FHIT: variants seen among roughly 807,000 people sequenced by gnomAD.
FHIT encodes the protein bis(5'-adenosyl)-triphosphatase.
A neutral mutation model predicts 17.9 loss-of-function variants in FHIT; 19 were observed. The observed-to-expected ratio is 1.06, with a 90% CI of 0.74 to 1.56. The LOEUF (loss-of-function observed/expected upper bound fraction) is 1.56. Ranked by LOEUF, FHIT falls within the 40% of genes most tolerant of loss-of-function variation. The pLI is 0.00. For synonymous variants in FHIT, 81 were observed against 69.7 expected (o/e 1.16, Z -0.81); for missense variants, 248 against 189.2 (o/e 1.31, Z -1.82).
At chr3:59,908,853 T>TTTTTTTTTTTTTTGAGACGG (rs1271629999) in intron 8 of FHIT, among the ~76,000 whole-genome samples, 3 of 150,710 alleles carry the variant, frequency 2.0e-5, no homozygotes, top group Non-Finnish European at 3.0e-5. Context: ...CATTTTTTAA[T>TTTTTTTTTTTTTTGAGACGG]AGTCCAACTG....
chr3:60,203,957 G>A (rs890220864), intron 5 of FHIT, among the ~76,000 whole-genome samples: 2 of 152,096 alleles, frequency 1.3e-5, no homozygotes, highest in African/African-American at 4.8e-5. Context: ...GTCATGGGGA[G>A]GGGGGTGAAT....
At chr3:61,056,856 T>G (rs1488254583) in intron 2 of FHIT, among the ~76,000 whole-genome samples, 1 of 152,222 alleles carries the variant, frequency 6.6e-6, no homozygotes, top group Non-Finnish European at 1.5e-5. Context: ...ACAAAAGTTT[T>G]GTGACTCCTT....
chr3:59,855,871 C>G (rs978124053), intron 8 of FHIT, among the ~76,000 whole-genome samples: 3 of 151,336 alleles, frequency 2.0e-5, no homozygotes, highest in African/African-American at 7.3e-5. Context: ...AGCTCTGCCT[C>G]CCGGGTTCAT....
chr3:60,440,305 C>G (rs1267643328), intron 5 of FHIT, among the ~76,000 whole-genome samples: 1 of 152,062 alleles, frequency 6.6e-6, no homozygotes, highest in Non-Finnish European at 1.5e-5. Flanking sequence ...TGTTACATTT[C>G]CATGACATGT....
chr3:60,682,793 T>C (rs1218005829), intron 4 of FHIT, among the ~76,000 whole-genome samples: 1 of 152,218 alleles, frequency 6.6e-6, no homozygotes, highest in African/African-American at 2.4e-5. Flanking sequence ...TGTAAGACTA[T>C]ACATAGTGAT....
chr3:60,916,311 A>G (rs1376339656), intron 3 of FHIT, among the ~76,000 whole-genome samples: 1 of 152,226 alleles, frequency 6.6e-6, no homozygotes, highest in Non-Finnish European at 1.5e-5. Flanking sequence ...GTATATATGC[A>G]TTCTATTTTG....
chr3:60,330,458 T>A (rs1709912370), intron 5 of FHIT, among the ~76,000 whole-genome samples: 1 of 152,148 alleles, frequency 6.6e-6, no homozygotes, highest in South Asian at 2.1e-4. Flanking sequence ...CAAACAAAAA[T>A]TCGGCATGTG....
At chr3:60,879,193 A>C (rs534368868) in intron 3 of FHIT, among the ~76,000 whole-genome samples, 2 of 152,208 alleles carry the variant, frequency 1.3e-5, no homozygotes, top group African/African-American at 2.4e-5. Flanking sequence ...TAACTGGTGT[A>C]AGATGGTATC....
chr3:60,748,995 G>T (rs1218487581), intron 4 of FHIT, among the ~76,000 whole-genome samples: 3 of 152,174 alleles, frequency 2.0e-5, no homozygotes, highest in Non-Finnish European at 2.9e-5. Flanking sequence ...TTGAACCTCA[G>T]ATATGGAGGG....
chr3:60,421,704 C>T (rs540682972), intron 5 of FHIT, among the ~76,000 whole-genome samples: 11 of 152,138 alleles, frequency 7.2e-5, no homozygotes, highest in Admixed American at 2.0e-4. Context: ...CCTTAACTTT[C>T]TCCAATTTTT....
At chr3:60,555,532 G>A (rs938397522) in intron 4 of FHIT, among the ~76,000 whole-genome samples, 1 of 152,098 alleles carries the variant, frequency 6.6e-6, no homozygotes, top group Non-Finnish European at 1.5e-5. Flanking sequence ...CCATTTCCCT[G>A]CACCCTAGAC....
intron 5 of FHIT, among the ~76,000 whole-genome samples, chr3:60,488,002 C>T (rs949901693): frequency 1.3e-5 from 2 of 152,086 alleles, no homozygotes; most frequent in Non-Finnish European, 2.9e-5. Context: ...TTTACAAGAC[C>T]ATCTGTGAAG....
chr3:60,646,720 G>C (rs77267581), intron 4 of FHIT, among the ~76,000 whole-genome samples: 1 of 152,132 alleles, frequency 6.6e-6, no homozygotes, highest in Admixed American at 6.5e-5. Flanking sequence ...AGAGAGCAGA[G>C]TTGACATGGC....
chr3:60,686,261 TCAG>T (rs1299494902), intron 4 of FHIT, among the ~76,000 whole-genome samples: 1 of 152,126 alleles, frequency 6.6e-6, no homozygotes, highest in African/African-American at 2.4e-5. Context: ...TCTTGGGTTT[TCAG>T]CAGTTTGATT....
chr3:60,948,775 A>C (rs782198920), intron 3 of FHIT, among the ~76,000 whole-genome samples: 1 of 152,226 alleles, frequency 6.6e-6, no homozygotes, highest in African/African-American at 2.4e-5. Flanking sequence ...ACAACAAAAC[A>C]ATCAGCCCCT....
intron 4 of FHIT, among the ~76,000 whole-genome samples, chr3:60,575,302 G>T (rs931364650): frequency 6.6e-6 from 1 of 152,296 alleles, no homozygotes; most frequent in East Asian, 1.9e-4. Flanking sequence ...TCCAAAGTGT[G>T]CTGAGATTAA....
chr3:60,651,129 A>C lies in FHIT; in HGVS notation c.-17-114150T>G, dbSNP rs547357464. ...ATTTTATTTTTTCTTTATTTATGTC[A>C]TTTAGGGTTTTTCTATTATACATTA... On this transcript the variant is annotated intron_variant, in intron 4 of 9. Coordinates refer to ENST00000492590, the MANE Select transcript of FHIT (RefSeq NM_002012.4). Among the ~76,000 whole-genome samples the C allele has an allele frequency of 1.4e-3, 218 of 152,166 alleles. 1 individual carries two copies. The highest frequency in any genetic ancestry group is 5.1e-3 in the African/African-American group (210 of 41,536).
intron 7 of FHIT, among the ~76,000 whole-genome samples, chr3:59,931,280 C>A (rs1010313484): frequency 1.3e-5 from 2 of 152,150 alleles, no homozygotes; most frequent in African/African-American, 4.8e-5. Context: ...CATCACCAAC[C>A]CCAAAGCTGT....
intron 3 of FHIT, among the ~76,000 whole-genome samples, chr3:60,962,951 G>A (rs923794400): frequency 1.4e-4 from 21 of 152,202 alleles, no homozygotes; most frequent in African/African-American, 5.1e-4. Context: ...CATAAAATGA[G>A]TTAGGGAGGA....
Sources: gnomAD v4.1 joint callset for allele counts (sites outside exome capture counted in the v4.1 genomes callset) on GRCh38, gnomAD v4.1.1 for gene constraint, MANE v1.5 for transcripts, NCBI Gene and HGNC (gene_info 2026-07-23, HGNC 2026-07-21) for gene names.